ZRANB3: variants seen among roughly 807,000 people sequenced by gnomAD.
ZRANB3 encodes zinc finger RANBP2-type containing 3.
ZRANB3 carries 125 observed loss-of-function variants against 133.8 expected under a neutral mutation model. The observed-to-expected ratio is 0.93, with a 90% CI of 0.81 to 1.08. The LOEUF is 1.08. Among genes scored for constraint, ZRANB3 ranks in the 50% least tolerant of loss-of-function variants. ZRANB3 has a pLI of 0.00. For missense variants in ZRANB3, 1,229 were observed against 1,275.5 expected (o/e 0.96, Z 0.56); for synonymous variants, 387 against 432.7 (o/e 0.89, Z 1.31).
At chr2:135,395,390 T>C (rs902667721) in intron 2 of ZRANB3, among the ~76,000 whole-genome samples, 1 of 149,648 alleles carries the variant, frequency 6.7e-6, no homozygotes, top group Non-Finnish European at 1.5e-5. Flanking sequence ...ATGAAACTAC[T>C]ACAAGGAAAC....
intron 2 of ZRANB3, among the ~76,000 whole-genome samples, chr2:135,460,665 T>C (rs1452880457): frequency 6.6e-6 from 1 of 152,114 alleles, no homozygotes; most frequent in Non-Finnish European, 1.5e-5. Flanking sequence ...CTGCATAAAA[T>C]AAACCAAAGT....
chr2:135,525,840 C>G (rs1235669353), intron 1 of ZRANB3, among the ~76,000 whole-genome samples: 12 of 136,646 alleles, frequency 8.8e-5, no homozygotes, highest in African/African-American at 2.8e-4. Flanking sequence ...AAGAGCAAAA[C>G]TCTGTCTCAA....
intron 2 of ZRANB3, among the ~76,000 whole-genome samples, chr2:135,470,306 A>G (rs1044156929): frequency 2.0e-5 from 3 of 151,942 alleles, no homozygotes; most frequent in Non-Finnish European, 2.9e-5. Context: ...CCTGGGTGAC[A>G]GAGTGAGACT....
intron 2 of ZRANB3, among the ~76,000 whole-genome samples, chr2:135,486,104 C>T (rs113866575): frequency 8.3e-4 from 126 of 152,224 alleles, no homozygotes; most frequent in African/African-American, 2.7e-3. Context: ...AAGGGTGTGA[C>T]GGCTGTGGCA....
At chr2:135,282,820 A>G (rs926829257) in intron 8 of ZRANB3, among the ~76,000 whole-genome samples, 7 of 152,194 alleles carry the variant, frequency 4.6e-5, no homozygotes, top group African/African-American at 1.4e-4. Context: ...TAAGGCAATC[A>G]TTATCAATCA....
intron 8 of ZRANB3, among the ~76,000 whole-genome samples, chr2:135,312,157 TTTTTA>T (rs879598687): frequency 0.013 from 1,252 of 95,086 alleles, 17 homozygotes; most frequent in African/African-American, 0.05. Context: ...TTTTATTTTA[TTTTTA>T]TTTTATTTTA....
intron 1 of ZRANB3, chr2:135,512,011 A>G: frequency 1.5e-6 from 1 of 650,796 alleles, no homozygotes; most frequent in Non-Finnish European, 2.8e-6. Flanking sequence ...TGAGCTGGAG[A>G]GGAACTAACT....
chr2:135,396,124 T>C (rs1687476746), intron 2 of ZRANB3, among the ~76,000 whole-genome samples: 1 of 152,104 alleles, frequency 6.6e-6, no homozygotes, highest in African/African-American at 2.4e-5. Flanking sequence ...TAATGAGATA[T>C]CATCTCACCC....
chr2:135,455,171 C>CTTTTTTTTTTTTTTT lies in ZRANB3; in HGVS notation c.161+49143_161+49157dup, dbSNP rs1166170814. ...AATGGGATCACAATGCCTTCTTATA[C>CTTTTTTTTTTTTTTT]TTTTTTTTTTTTTTTTTTTTTTTTT... On this transcript the variant is annotated intron_variant, in intron 2 of 20. Transcript: ENST00000264159. Among the ~76,000 whole-genome samples the CTTTTTTTTTTTTTTT allele has an allele frequency of 3.7e-4, 14 of 37,594 alleles. 3 individuals are homozygous for CTTTTTTTTTTTTTTT. The highest frequency in any genetic ancestry group is 4.9e-4 in the Non-Finnish European group (10 of 20,596). The allele number at this position is 37,594 out of a possible 152,430, so 24.7% of individuals were successfully genotyped here. A position where few individuals can be genotyped will look rare whatever the true frequency, so the allele number is the denominator to read the frequency against.
chr2:135,209,417 A>G (rs1694009089), intron 17 of ZRANB3, among the ~76,000 whole-genome samples: 1 of 152,200 alleles, frequency 6.6e-6, no homozygotes, highest in African/African-American at 2.4e-5. Flanking sequence ...AGTCAGTTAT[A>G]ATAGTGTATC....
rs879088258 is a variant in ZRANB3 at position 135,510,476 on chromosome 2, G to T, written c.-7-5980C>A. 7 of 530,936 alleles carry T rather than the reference G, an allele frequency of 1.3e-5. No individual in the cohort carries two copies. The South Asian group carries it at 1.6e-4, about 12-fold the overall frequency. The allele number at this position is 530,936 out of a possible 1,614,324, so 32.9% of individuals were successfully genotyped here. A position where few individuals can be genotyped will look rare whatever the true frequency, so the allele number is the denominator to read the frequency against. On this transcript the variant is annotated intron_variant, in intron 1 of 20. Coordinates refer to ENST00000264159, the MANE Select transcript of ZRANB3 (RefSeq NM_032143.4). ...TGGGGTCATACTCCAAGATACCAAA[G>T]GCTGGTCAAAGAAATTCACCATTCT...
At chr2:135,486,401 T>C (rs988990762) in intron 2 of ZRANB3, among the ~76,000 whole-genome samples, 1 of 152,200 alleles carries the variant, frequency 6.6e-6, no homozygotes, top group Admixed American at 6.5e-5. Context: ...AAGCAACTCC[T>C]CATCGTTCAA....
At chr2:135,419,530 T>C (rs896449741) in intron 2 of ZRANB3, among the ~76,000 whole-genome samples, 1 of 152,068 alleles carries the variant, frequency 6.6e-6, no homozygotes, top group Non-Finnish European at 1.5e-5. Flanking sequence ...TGTATGCATC[T>C]GTAGGGAGGT....
At chr2:135,391,294 C>T (rs1408999593) in intron 2 of ZRANB3, among the ~76,000 whole-genome samples, 2 of 152,178 alleles carry the variant, frequency 1.3e-5, no homozygotes, top group African/African-American at 4.8e-5. Flanking sequence ...GACTCTCCAG[C>T]TGCCAAAGGC....
chr2:135,400,537 C>T (rs557523017), intron 2 of ZRANB3, among the ~76,000 whole-genome samples: 4 of 152,174 alleles, frequency 2.6e-5, no homozygotes, highest in Non-Finnish European at 5.9e-5. Flanking sequence ...GAACTCCTGA[C>T]CTCATGATCT....
At chr2:135,493,115 ATATATATATATATATATATATATATATAT>A (rs1692471638) in intron 2 of ZRANB3, among the ~76,000 whole-genome samples, 1 of 658 alleles carries the variant, frequency 1.5e-3, no homozygotes, top group African/African-American at 4.4e-3. Context: ...ATATATATAT[ATATATATATATATATATATATATATATAT>A]ATATATATAT....
At chr2:135,311,766 T>A (rs1445093441) in intron 8 of ZRANB3, among the ~76,000 whole-genome samples, 1 of 152,050 alleles carries the variant, frequency 6.6e-6, no homozygotes. Flanking sequence ...AAAATTTTTT[T>A]AAAGTTTTGT....
chr2:135,353,004 G>GAAAATC (rs1264049305), intron 4 of ZRANB3, among the ~76,000 whole-genome samples: 3 of 151,938 alleles, frequency 2.0e-5, no homozygotes, highest in South Asian at 4.2e-4. Flanking sequence ...TATAAATAAG[G>GAAAATC]AAAATCAAAC....
chr2:135,353,896 T>C (rs1329362920), intron 3 of ZRANB3, among the ~76,000 whole-genome samples: 1 of 151,998 alleles, frequency 6.6e-6, no homozygotes, highest in Non-Finnish European at 1.5e-5. Context: ...TTCCAGCTAC[T>C]TGGAGGCTGA....
Sources: gnomAD v4.1 joint callset for allele counts (sites outside exome capture counted in the v4.1 genomes callset) on GRCh38, gnomAD v4.1.1 for gene constraint, MANE v1.5 for transcripts, NCBI Gene and HGNC (gene_info 2026-07-23, HGNC 2026-07-21) for gene names.